Variants in TMEM38B observed in about 807,000 individuals in gnomAD.
TMEM38B encodes the protein trimeric intracellular cation channel type B.
TMEM38B carries 24 observed loss-of-function variants against 28.7 expected under a neutral mutation model. The observed-to-expected ratio is 0.84, with a 90% CI of 0.61 to 1.18. TMEM38B has a LOEUF of 1.18. TMEM38B is among the 50% of genes most tolerant of loss of function. TMEM38B has a pLI of 0.00. For missense variants in TMEM38B, 380 were observed against 350.9 expected (o/e 1.08, Z -0.66); for synonymous variants, 131 against 127.7 (o/e 1.03, Z -0.17).
At chr9:105,746,248 T>G (rs1228860702) in intron 4 of TMEM38B, among the ~76,000 whole-genome samples, 1 of 152,112 alleles carries the variant, frequency 6.6e-6, no homozygotes, top group Non-Finnish European at 1.5e-5. Flanking sequence ...CCTCTTTTAT[T>G]TCATTGAGCA....
rs915065088 is a variant in TMEM38B, at chr9:105,710,660, C to T, written c.269+4907C>T. 4 of 718,310 alleles carry T rather than the reference C, an allele frequency of 5.6e-6. No homozygotes were observed. The African/African-American group carries it at 7.0e-5, about 13-fold the overall frequency. The allele number at this position is 718,310 out of a possible 1,614,324, so 44.5% of individuals were successfully genotyped here. ...TGGTGAGTGTGGAAATCAAGTGGAA[C>T]ATACACATCAACTATAGGATCATAA... is the stretch of plus-strand genomic sequence containing the variant. On this transcript the variant is annotated intron_variant, in intron 2 of 5. Coordinates refer to ENST00000374692, the MANE Select transcript of TMEM38B (RefSeq NM_018112.3).
chr9:105,743,785 T>G (rs897645947), intron 4 of TMEM38B, among the ~76,000 whole-genome samples: 3 of 152,200 alleles, frequency 2.0e-5, no homozygotes, highest in East Asian at 3.9e-4. Flanking sequence ...ATCCGGGCTT[T>G]CTTTTCCTGC....
chr9:105,710,988 C>T (rs184943942), intron 2 of TMEM38B, among the ~76,000 whole-genome samples: 1 of 152,116 alleles, frequency 6.6e-6, no homozygotes, highest in Admixed American at 6.5e-5. Flanking sequence ...GATCACCAGG[C>T]AGCTGGTGAT....
intron 4 of TMEM38B, among the ~76,000 whole-genome samples, chr9:105,726,910 T>A (rs1836539134): frequency 6.6e-6 from 1 of 152,180 alleles, no homozygotes; most frequent in South Asian, 2.1e-4. Context: ...AGGAATTCCA[T>A]TTTAATTTAC....
At chr9:105,757,189 A>C (rs554896359) in intron 5 of TMEM38B, among the ~76,000 whole-genome samples, 4 of 152,338 alleles carry the variant, frequency 2.6e-5, no homozygotes, top group East Asian at 1.9e-4. Context: ...TTCACTTAGA[A>C]TAATGGTCTT....
At chr9:105,756,211 A>G (rs990909160) in intron 5 of TMEM38B, among the ~76,000 whole-genome samples, 1 of 152,198 alleles carries the variant, frequency 6.6e-6, no homozygotes, top group Non-Finnish European at 1.5e-5. Flanking sequence ...TATATGCAGG[A>G]TTATGGCATC....
intron 2 of TMEM38B, among the ~76,000 whole-genome samples, chr9:105,705,989 C>G (rs1835648289): frequency 6.6e-6 from 1 of 151,790 alleles, no homozygotes; most frequent in Admixed American, 6.6e-5. Flanking sequence ...CAACCTCCAC[C>G]TCCTGGGTTC....
intron 2 of TMEM38B, among the ~76,000 whole-genome samples, chr9:105,711,353 A>G (rs1163487053): frequency 6.6e-6 from 1 of 151,872 alleles, no homozygotes; most frequent in African/African-American, 2.4e-5. Context: ...AGGCAGGAGA[A>G]CAGCTTGAAC....
intron 2 of TMEM38B, among the ~76,000 whole-genome samples, chr9:105,712,471 G>A (rs979971275): frequency 5.1e-4 from 77 of 152,124 alleles, no homozygotes; most frequent in African/African-American, 1.5e-3. Flanking sequence ...CCATAGTCCA[G>A]AGTTTGCTGA....
intron 2 of TMEM38B, chr9:105,710,195 A>G (rs1835850423): frequency 2.2e-6 from 1 of 454,290 alleles, no homozygotes; most frequent in Non-Finnish European, 4.1e-6. Flanking sequence ...CCCCTTTGTC[A>G]CTTGAACTGC....
intron 4 of TMEM38B, among the ~76,000 whole-genome samples, chr9:105,733,589 C>G (rs943886312): frequency 2.6e-5 from 4 of 151,932 alleles, no homozygotes; most frequent in African/African-American, 4.8e-5. Context: ...GTGAAGCCAT[C>G]TAGTTCTGGG....
chr9:105,765,531 A>G (rs1396802584), intron 5 of TMEM38B, among the ~76,000 whole-genome samples: 3 of 152,190 alleles, frequency 2.0e-5, no homozygotes, highest in Non-Finnish European at 4.4e-5. Flanking sequence ...GCCCCAGTAT[A>G]CCATTTATCC....
intron 1 of TMEM38B, 91 bp from the exon 2 acceptor site, chr9:105,705,506 A>G: frequency 8.1e-7 from 1 of 1,229,568 alleles, no homozygotes; most frequent in South Asian, 1.8e-5. Context: ...TATGAATTTA[A>G]GAAGTTTATT....
intron 5 of TMEM38B, among the ~76,000 whole-genome samples, chr9:105,765,804 CTTTTT>C (rs1306304004): frequency 1.3e-5 from 2 of 151,244 alleles, no homozygotes; most frequent in Non-Finnish European, 3.0e-5. Context: ...TCTTTTTTTT[CTTTTT>C]TATTTTTTTT....
intron 5 of TMEM38B, chr9:105,760,256 T>A (rs1268590449): frequency 1.2e-6 from 1 of 803,722 alleles, no homozygotes; most frequent in Non-Finnish European, 2.2e-6. Flanking sequence ...TCACCGATGA[T>A]ACATACCTTT....
chr9:105,707,960 T>C (rs1835740448), intron 2 of TMEM38B, among the ~76,000 whole-genome samples: 1 of 152,200 alleles, frequency 6.6e-6, no homozygotes, highest in South Asian at 2.1e-4. Context: ...TTTTGATGTG[T>C]ATAGATGCTG....
At chr9:105,706,528 T>C (rs2133554551) in intron 2 of TMEM38B, among the ~76,000 whole-genome samples, 1 of 152,294 alleles carries the variant, frequency 6.6e-6, no homozygotes, top group East Asian at 1.9e-4. Context: ...AAAACAAAGG[T>C]AGTTAATCAT....
Position 105,721,558 on chromosome 9 carries a change from G to T in TMEM38B, c.291G>T (p.Pro97=), listed in dbSNP as rs141978983. Residue 97 remains proline (P), a synonymous_variant, in exon 3 of 6, where the codon CCG becomes CCT. Transcript: ENST00000374692. ...SSIWYITFFC[P]HDLVSQGYSY... is the part of the protein sequence containing the mutation. ...TCAGGTATATTACATTTTTTTGCCC[G>T]CATGACCTAGTTTCCCAGGGCTATT... The T allele has an allele frequency of 1.9e-6, 3 of 1,591,102 alleles. No homozygotes were observed. The highest frequency in any genetic ancestry group is 2.7e-5 in the African/African-American group (2 of 73,426).
At chr9:105,750,366 A>G (rs1302667532) in intron 5 of TMEM38B, among the ~76,000 whole-genome samples, 1 of 152,114 alleles carries the variant, frequency 6.6e-6, no homozygotes, top group Admixed American at 6.5e-5. Context: ...GCTCACACCT[A>G]TAATCCCAGC....
Sources: gnomAD v4.1 joint callset for allele counts (sites outside exome capture counted in the v4.1 genomes callset) on GRCh38, gnomAD v4.1.1 for gene constraint, MANE v1.5 for transcripts, NCBI Gene and HGNC (gene_info 2026-07-23, HGNC 2026-07-21) for gene names.